Variants in GCLM observed in about 807,000 individuals in gnomAD.
The protein encoded by GCLM is glutamate--cysteine ligase regulatory subunit.
In GCLM, 15 loss-of-function variants were observed where a neutral mutation model predicts 36.0. The observed-to-expected ratio is 0.42, with a 90% CI of 0.28 to 0.64. The LOEUF (loss-of-function observed/expected upper bound fraction) is 0.64, where lower values mean the gene tolerates loss of function less well. Among genes scored for constraint, GCLM ranks in the 30% least tolerant of loss-of-function variants. The pLI is 0.25. For missense variants in GCLM, 242 were observed against 325.5 expected, an observed-to-expected ratio of 0.74 and a Z score of 1.97; for synonymous variants, 129 against 122.8, an observed-to-expected ratio of 1.05 and a Z score of -0.34.
intron 4 of GCLM, among the ~76,000 whole-genome samples, chr1:93,897,425 A>T (rs1389726687): frequency 6.6e-6 from 1 of 152,138 alleles, no homozygotes; most frequent in Non-Finnish European, 1.5e-5. Flanking sequence ...AATATATGTA[A>T]ATACTGGAAT....
chr1:93,908,388 CAT>C (rs17880726), intron 1 of GCLM, among the ~76,000 whole-genome samples: 3,175 of 152,262 alleles, frequency 0.021, 46 homozygotes, highest in Middle Eastern at 0.024. Flanking sequence ...TTATGGGGCA[CAT>C]GTGATATTCT....
chr1:93,897,213 T>TG (rs1656763383), intron 4 of GCLM, among the ~76,000 whole-genome samples: 2 of 152,184 alleles, frequency 1.3e-5, no homozygotes, highest in Non-Finnish European at 2.9e-5. Context: ...ATATGGATGA[T>TG]CACAAGAATT....
chr1:93,892,014 C>G (rs936740829), intron 6 of GCLM, among the ~76,000 whole-genome samples: 6 of 152,034 alleles, frequency 3.9e-5, no homozygotes, highest in African/African-American at 1.5e-4. Flanking sequence ...ATATAGAACA[C>G]AAATGTCTCC....
chr1:93,905,599 A>G (rs1657119647), intron 1 of GCLM, among the ~76,000 whole-genome samples: 1 of 152,062 alleles, frequency 6.6e-6, no homozygotes. Flanking sequence ...ATGTTTTCTT[A>G]GATAAACAAA....
intron 6 of GCLM, among the ~76,000 whole-genome samples, chr1:93,892,179 C>T (rs906746286): frequency 1.3e-5 from 2 of 152,098 alleles, no homozygotes; most frequent in Admixed American, 1.3e-4. Flanking sequence ...ATCTACTTTA[C>T]AATTTTACTC....
intron 6 of GCLM, among the ~76,000 whole-genome samples, chr1:93,889,845 T>C (rs970093067): frequency 6.6e-6 from 1 of 151,402 alleles, no homozygotes; most frequent in Non-Finnish European, 1.5e-5. Flanking sequence ...AAAACATTTA[T>C]GTTTTTCCTA....
At chr1:93,892,530 TA>T (rs1656574312) in intron 6 of GCLM, among the ~76,000 whole-genome samples, 1 of 152,186 alleles carries the variant, frequency 6.6e-6, no homozygotes, top group Non-Finnish European at 1.5e-5. Context: ...GTTGCTTCAT[TA>T]TAGATTAAAG....
At chr1:93,893,853 AT>A (rs1348198303) in intron 6 of GCLM, among the ~76,000 whole-genome samples, 27 of 152,228 alleles carry the variant, frequency 1.8e-4, no homozygotes, top group Admixed American at 1.6e-3. Context: ...AATATTTCTG[AT>A]TAACACTAAA....
At chr1:93,892,910 CAT>C (rs773410941) in intron 6 of GCLM, among the ~76,000 whole-genome samples, 8 of 152,098 alleles carry the variant, frequency 5.3e-5, no homozygotes, top group Non-Finnish European at 1.2e-4. Context: ...TAAACAGACA[CAT>C]GACATCTGCC....
rs1326013950 is a variant in GCLM at position 93,894,680 on chromosome 1, G to A, written c.589C>T (p.Pro197Ser). 6.2e-7 allele frequency: 1 copy of A among 1,611,720 alleles called. No homozygotes were observed. The highest frequency in any genetic ancestry group is 8.5e-7 in the Non-Finnish European group (1 of 1,178,028). The change falls in exon 6 of 7, where the codon CCA becomes TCA. Residue 197 changes from proline to serine, a missense_variant. Coordinates refer to ENST00000370238, the MANE Select transcript of GCLM (RefSeq NM_002061.4). Reference protein sequence around the residue: ...QVNLASCCVMPPDLTAFAKQF... With the variant: ...QVNLASCCVMSPDLTAFAKQF... ...TTAGCAAATGCAGTCAAATCTGGTGGCATCACACAGCAGGAGGCAAGATTA... is the reference window on the plus strand; with the variant it reads ...TTAGCAAATGCAGTCAAATCTGGTGACATCACACAGCAGGAGGCAAGATTA...
intron 6 of GCLM, among the ~76,000 whole-genome samples, chr1:93,890,418 C>CA (rs1330082763): frequency 6.6e-6 from 1 of 151,098 alleles, no homozygotes; most frequent in Non-Finnish European, 1.5e-5. Flanking sequence ...TCAGGAATGC[C>CA]AAAAAAAGCC....
At chr1:93,894,524 C>A in intron 6 of GCLM, 90 bp downstream of exon 6, 1 of 720,172 alleles carries the variant, frequency 1.4e-6, no homozygotes, top group Non-Finnish European at 2.5e-6. Context: ...ATTTTTATCA[C>A]TGTCCACATT....
intron 6 of GCLM, among the ~76,000 whole-genome samples, chr1:93,891,753 C>T (rs1216285007): frequency 5.9e-5 from 9 of 152,110 alleles, no homozygotes; most frequent in African/African-American, 1.4e-4. Flanking sequence ...AGTTTGATTT[C>T]GGAGTGCTAA....
Position 93,889,167 on chromosome 1 carries a change from A to G in GCLM, c.656-8T>C. 6.5e-7 allele frequency: 1 copy of G among 1,542,378 alleles called. No individual in the cohort carries two copies. Among genetic ancestry groups the G allele is most frequent in the Non-Finnish European group, 8.7e-7 (1 of 1,146,654 alleles). On this transcript the variant is annotated splice_polypyrimidine_tract_variant and splice_region_variant and intron_variant, in intron 6 of 6. Coordinates refer to ENST00000370238, the MANE Select transcript of GCLM (RefSeq NM_002061.4). The stretch of plus-strand genomic sequence containing the variant: ...TTGCTTCAGAAAGCAGTTCTAAAAG[A>G]AACAACAACAAACAAAACTCCAGCG...
Position 93,889,085 on chromosome 1 carries a change from G to A in GCLM, c.730C>T (p.Pro244Ser). Residue 244 changes from proline to serine, a missense_variant, in exon 7 of 7, where the codon CCG (proline) becomes TCG (serine). Pro to Ser is a moderately conservative substitution (Grantham distance 74). Transcript: ENST00000370238. ...IPDIQAHEWV[P>S]LWLLRYSVIV... Reference sequence around the variant, plus strand: ...ACCGAATACCGCAGTAGCCACAGCGGCACCCACTCGTGCGCTTGAATGTCA... The same window carrying A: ...ACCGAATACCGCAGTAGCCACAGCGACACCCACTCGTGCGCTTGAATGTCA... The A allele has an allele frequency of 6.2e-7, 1 of 1,601,516 alleles. No individual in the cohort carries two copies. Among genetic ancestry groups the A allele is most frequent in the Non-Finnish European group, 8.5e-7 (1 of 1,173,802 alleles).
At position 93,891,650 on chromosome 1, in the gene GCLM, G is replaced by T. The variant is rs1418738324; in HGVS notation, c.656-2491C>A. On this transcript the variant is annotated intron_variant, in intron 6 of 6. Transcript: ENST00000370238. ...CCCAGAACAATGGCTGGCAAATGGT[G>T]CTCAAACGTCTATTAAATGCATCAA... is the stretch of plus-strand genomic sequence containing the variant. Among the ~76,000 whole-genome samples, 5 of 152,266 alleles carry T rather than the reference G, an allele frequency of 3.3e-5. No homozygotes were observed. In the East Asian group the frequency reaches 9.7e-4, roughly 29 times the overall value.
chr1:93,899,720 A>AT lies in GCLM; in HGVS notation c.278-1823dup, dbSNP rs889334307. On this transcript the variant is annotated intron_variant, in intron 3 of 6. Transcript: ENST00000370238. Reference sequence around the variant, plus strand: ...CTAACAACATAGGATGCTATTATTAATTTTTTTTTAAAACTTAGTAGGTAC... The same window carrying AT: ...CTAACAACATAGGATGCTATTATTAATTTTTTTTTTAAAACTTAGTAGGTAC... 2.6e-5 allele frequency among the ~76,000 whole-genome samples: 4 copies of AT among 151,692 alleles called. 1 individual carries two copies. Among genetic ancestry groups the AT allele is most frequent in the South Asian group, 4.2e-4 (2 of 4,798 alleles).
chr1:93,907,131 T>G (rs1657172424), intron 1 of GCLM, among the ~76,000 whole-genome samples: 1 of 152,210 alleles, frequency 6.6e-6, no homozygotes. Flanking sequence ...ACATCCCAAT[T>G]TGGAGCTCTG....
chr1:93,895,359 A>G (rs994197935), intron 5 of GCLM, among the ~76,000 whole-genome samples: 1 of 152,100 alleles, frequency 6.6e-6, no homozygotes, highest in East Asian at 1.9e-4. Context: ...ACCATTTAAC[A>G]ATCTAATACA....
Sources: gnomAD v4.1 joint callset for allele counts (sites outside exome capture counted in the v4.1 genomes callset) on GRCh38, gnomAD v4.1.1 for gene constraint, MANE v1.5 for transcripts, NCBI Gene and HGNC (gene_info 2026-07-23, HGNC 2026-07-21) for gene names.